Variants in EVC observed in about 807,000 individuals in gnomAD.
The protein encoded by EVC is evC complex member EVC.
Under a neutral mutation model 118.9 loss-of-function variants are expected in EVC, and 116 were observed. That is an observed-to-expected ratio of 0.98 (90% confidence interval 0.84 to 1.14). EVC has a LOEUF of 1.14. Among genes scored for constraint, EVC ranks in the 50% most tolerant of loss-of-function variants. The probability of loss-of-function intolerance (pLI) is 0.00; values close to 1 mark genes in which losing one functional copy is unlikely to be tolerated. For missense variants in EVC, 1,401 were observed against 1,246.4 expected, an observed-to-expected ratio of 1.12 and a Z score of -1.87; for synonymous variants, 619 against 534.7, an observed-to-expected ratio of 1.16 and a Z score of -2.18.
chr4:5,718,499 G>A (rs1164121292), intron 1 of EVC, among the ~76,000 whole-genome samples: 2 of 152,016 alleles, frequency 1.3e-5, no homozygotes, highest in East Asian at 1.9e-4. Context: ...TAAAGTCACC[G>A]AGAAAAAGCA....
intron 12 of EVC, among the ~76,000 whole-genome samples, chr4:5,788,434 T>C (rs1283874070): frequency 6.6e-6 from 1 of 152,208 alleles, no homozygotes; most frequent in Non-Finnish European, 1.5e-5. Flanking sequence ...CAAATTTACA[T>C]GCTCAGCTCA....
downstream of EVC, among the ~76,000 whole-genome samples, chr4:5,817,467 C>G (rs1408299461): frequency 1.3e-5 from 2 of 152,232 alleles, no homozygotes; most frequent in Non-Finnish European, 2.9e-5. Context: ...TGGGAACAGA[C>G]TACCAGTGAG....
chr4:5,797,330 C>A, intron 14 of EVC, 98 bp downstream of exon 14: 3 of 1,039,522 alleles, frequency 2.9e-6, no homozygotes, highest in Non-Finnish European at 4.4e-6. Flanking sequence ...AATCCTATCA[C>A]CCTTGGTGCT....
intron 1 of EVC, among the ~76,000 whole-genome samples, chr4:5,713,359 C>G (rs1349623848): frequency 6.6e-6 from 1 of 152,190 alleles, no homozygotes; most frequent in Non-Finnish European, 1.5e-5. Flanking sequence ...TTAAACACCT[C>G]CAGTGACTCC....
intron 11 of EVC, among the ~76,000 whole-genome samples, chr4:5,773,119 A>C (rs1734234922): frequency 6.6e-6 from 1 of 152,328 alleles, no homozygotes; most frequent in East Asian, 1.9e-4. Flanking sequence ...GGTAGGTGCC[A>C]GGAGACATTT....
chr4:5,821,652 T>C, the EVC span: 1 of 1,024,812 alleles, frequency 9.8e-7, no homozygotes, highest in South Asian at 1.6e-5. This position sits in a 1 kb window ranked among gnomAD's most constrained non-coding sequence, Gnocchi z 4.4. Flanking sequence ...GACTTCCCCC[T>C]CCCTCCATCA....
At chr4:5,799,609 G>C (rs1655298435) in intron 15 of EVC, among the ~76,000 whole-genome samples, 1 of 152,154 alleles carries the variant, frequency 6.6e-6, no homozygotes, top group South Asian at 2.1e-4. Flanking sequence ...GCTCGCTTCA[G>C]GCCACTGTAG....
chr4:5,795,318 G>T (rs1251922702), intron 13 of EVC, among the ~76,000 whole-genome samples: 1 of 152,172 alleles, frequency 6.6e-6, no homozygotes, highest in Non-Finnish European at 1.5e-5. Flanking sequence ...CAAGAAGCAG[G>T]TGTCTAGCTA....
intron 11 of EVC, among the ~76,000 whole-genome samples, chr4:5,767,154 C>A (rs549791185): frequency 6.6e-6 from 1 of 151,692 alleles, no homozygotes; most frequent in Admixed American, 6.6e-5. Flanking sequence ...GTTGGAGTAC[C>A]CTGCTGTGTG....
intron 11 of EVC, among the ~76,000 whole-genome samples, chr4:5,778,747 G>A (rs1469807872): frequency 6.6e-6 from 1 of 152,108 alleles, no homozygotes; most frequent in African/African-American, 2.4e-5. Flanking sequence ...TTAGCCCTTT[G>A]TCAGATGAGT....
chr4:5,825,884 C>A, the EVC span: 1 of 513,682 alleles, frequency 1.9e-6, no homozygotes, highest in Non-Finnish European at 3.5e-6. This position sits in a 1 kb window ranked among gnomAD's most constrained non-coding sequence, Gnocchi z 4.4. Context: ...TACATACCCA[C>A]ATGCATACAC....
intron 11 of EVC, among the ~76,000 whole-genome samples, chr4:5,764,687 C>T (rs1284657098): frequency 3.5e-5 from 5 of 142,554 alleles, no homozygotes; most frequent in East Asian, 4.1e-4. Flanking sequence ...AGTTTATTTG[C>T]GTAGAGGTGT....
intron 5 of EVC, among the ~76,000 whole-genome samples, chr4:5,740,733 A>G (rs902135745): frequency 1.3e-5 from 2 of 152,214 alleles, no homozygotes; most frequent in African/African-American, 4.8e-5. Context: ...GAAATTTCCA[A>G]ACTCAGCTGA....
At position 5,765,086 on chromosome 4, in the gene EVC, G is replaced by A. The variant is rs1223261172; in HGVS notation, c.1563+8724G>A. Among the ~76,000 whole-genome samples the A allele has an allele frequency of 4.2e-4, 49 of 116,258 alleles. 11 individuals are homozygous for A. The Middle Eastern group carries it at 0.012, about 29-fold the overall frequency. 76.3% of individuals were successfully genotyped at this position (116,258 alleles called of 152,430 possible). On this transcript the variant is annotated intron_variant, in intron 11 of 20. Transcript: ENST00000264956. ...CACACTGCTTTGAATGCATCCCAGAGATTTTGGTATGTTGTGTCTTTGTTC... is the reference window on the plus strand; with the variant it reads ...CACACTGCTTTGAATGCATCCCAGAAATTTTGGTATGTTGTGTCTTTGTTC...
Position 5,741,579 on chromosome 4 carries a change from C to T in EVC, c.703-137C>T, listed in dbSNP as rs547386166. The T allele has an allele frequency of 4.0e-4, 238 of 599,198 alleles. 2 individuals are homozygous for T. The highest frequency in any genetic ancestry group is 2.6e-3 in the Middle Eastern group (7 of 2,718). The allele number at this position is 599,198 out of a possible 1,614,324, so 37.1% of individuals were successfully genotyped here. On this transcript the variant is annotated intron_variant, in intron 5 of 20. Coordinates refer to ENST00000264956, the MANE Select transcript of EVC (RefSeq NM_153717.3). ...TTCCTTTCCTTCAGCAAAAAATATA[C>T]GTGAAGAGAGGGTGAAAGAGAAGAA...
chr4:5,733,517 A>C (rs776935765), intron 5 of EVC, 82 bp downstream of exon 5: 6 of 1,175,754 alleles, frequency 5.1e-6, no homozygotes, highest in Non-Finnish European at 7.6e-6. Flanking sequence ...TGAGTCCCAG[A>C]GACCCTTGAG....
At chr4:5,740,689 G>A (rs919999364) in intron 5 of EVC, among the ~76,000 whole-genome samples, 10 of 152,050 alleles carry the variant, frequency 6.6e-5, no homozygotes, top group African/African-American at 2.2e-4. Flanking sequence ...CAAAACAGAT[G>A]TCCACCAAAG....
chr4:5,753,151 T>C, intron 9 of EVC, 99 bp downstream of exon 9: 1 of 1,169,154 alleles, frequency 8.6e-7, no homozygotes, highest in South Asian at 1.3e-5. Flanking sequence ...AGTGTGCCCA[T>C]GATGCCGGGC....
intron 3 of EVC, 100 bp downstream of exon 3, chr4:5,729,490 G>A (rs1166822324): frequency 2.8e-5 from 33 of 1,194,468 alleles, no homozygotes; most frequent in Non-Finnish European, 3.2e-5. Flanking sequence ...GTTTGGTCCT[G>A]TTTGAGGGTT....
Sources: allele counts gnomAD v4.1 joint callset (sites outside exome capture counted in the v4.1 genomes callset), GRCh38; gene constraint gnomAD v4.1.1; non-coding constraint Gnocchi (gnomAD v3.1); transcripts MANE v1.5; gene names NCBI Gene and HGNC (gene_info 2026-07-23, HGNC 2026-07-21).